PLEKHD1: variants seen among roughly 807,000 people sequenced by gnomAD.
The protein encoded by PLEKHD1 is pleckstrin homology domain-containing family D member 1.
A neutral mutation model predicts 69.2 loss-of-function variants in PLEKHD1; 51 were observed. The ratio of observed to expected loss-of-function variants is 0.74; its 90% CI spans 0.59 to 0.93. The LOEUF is 0.93. Among genes scored for constraint, PLEKHD1 ranks in the 40% least tolerant of loss-of-function variants. The pLI is 0.00. For missense variants in PLEKHD1, 584 were observed against 641.0 expected (o/e 0.91, Z 0.96); for synonymous variants, 236 against 244.7 (o/e 0.96, Z 0.33).
upstream of PLEKHD1, among the ~76,000 whole-genome samples, chr14:69,482,156 G>A (rs543880349): frequency 5.6e-4 from 86 of 152,300 alleles, 1 homozygote; most frequent in Non-Finnish European, 8.2e-4. Context: ...GTATGCAGAG[G>A]GAATAGGTAA....
chr14:69,486,793 G>A (rs1330578439), intron 1 of PLEKHD1, among the ~76,000 whole-genome samples: 1 of 152,092 alleles, frequency 6.6e-6, no homozygotes, highest in African/African-American at 2.4e-5. Flanking sequence ...TGGGAAACTG[G>A]TCTCTGCACC....
intron 6 of PLEKHD1, among the ~76,000 whole-genome samples, chr14:69,518,327 C>T (rs1418667031): frequency 6.6e-6 from 1 of 152,186 alleles, no homozygotes; most frequent in African/African-American, 2.4e-5. Flanking sequence ...AGGCATGAGC[C>T]ACCTCTCCCG....
upstream of PLEKHD1, among the ~76,000 whole-genome samples, chr14:69,479,848 C>T (rs1882511377): frequency 1.3e-5 from 2 of 152,198 alleles, no homozygotes; most frequent in South Asian, 4.1e-4. Flanking sequence ...ACATACGTTC[C>T]CAACCCCCCC....
At chr14:69,514,734 G>A (rs1594987582) in intron 6 of PLEKHD1, among the ~76,000 whole-genome samples, 1 of 152,024 alleles carries the variant, frequency 6.6e-6, no homozygotes, top group South Asian at 2.1e-4. Context: ...TTAGCCTTTT[G>A]GTGAGTTGCG....
At chr14:69,492,346 G>T (rs1048399078) in intron 1 of PLEKHD1, among the ~76,000 whole-genome samples, 1 of 152,106 alleles carries the variant, frequency 6.6e-6, no homozygotes. Flanking sequence ...GAGCTCCCTT[G>T]GCTGGACCCC....
intron 1 of PLEKHD1, among the ~76,000 whole-genome samples, chr14:69,488,765 A>G (rs542126734): frequency 8.7e-4 from 133 of 152,314 alleles, no homozygotes; most frequent in African/African-American, 3.2e-3. Context: ...AAATTACTTT[A>G]TTCTGAAGAT....
intron 6 of PLEKHD1, among the ~76,000 whole-genome samples, chr14:69,519,275 G>A (rs563431491): frequency 1.1e-4 from 16 of 152,216 alleles, no homozygotes; most frequent in African/African-American, 3.6e-4. Flanking sequence ...GCTTTTATCA[G>A]GGTTGTTCAG....
chr14:69,524,325 G>A lies in PLEKHD1; in HGVS notation c.744+3G>A. On this transcript the variant is annotated splice_donor_region_variant and intron_variant, in intron 8 of 12. Coordinates refer to ENST00000322564, the MANE Select transcript of PLEKHD1 (RefSeq NM_001161498.2). ...AGTCCTTGCAGCAGACACTGGAGGT[G>A]AGGGGCTGCTGGTGGGTTAGTTGAC... 6.4e-7 allele frequency: 1 copy of A among 1,551,010 alleles called. No individual in the cohort carries two copies. Among genetic ancestry groups the A allele is most frequent in the Non-Finnish European group, 8.7e-7 (1 of 1,146,476 alleles).
intron 6 of PLEKHD1, among the ~76,000 whole-genome samples, chr14:69,504,112 T>G (rs1883099104): frequency 1.3e-5 from 2 of 152,346 alleles, no homozygotes; most frequent in South Asian, 4.1e-4. Flanking sequence ...TTAGGGATGT[T>G]GTGATGATTT....
chr14:69,468,058 T>G, the PLEKHD1 span, among the ~76,000 whole-genome samples: 1 of 152,328 alleles, frequency 6.6e-6, no homozygotes, highest in African/African-American at 2.4e-5. Flanking sequence ...AAAGGCCACA[T>G]TCTTGAATGT....
chr14:69,521,044 A>C (rs1475224714), intron 6 of PLEKHD1, among the ~76,000 whole-genome samples: 1 of 152,214 alleles, frequency 6.6e-6, no homozygotes, highest in Non-Finnish European at 1.5e-5. Flanking sequence ...AGGCAGGAGG[A>C]TGGCTTGAGC....
intron 7 of PLEKHD1, among the ~76,000 whole-genome samples, chr14:69,522,651 G>C (rs981168849): frequency 6.6e-6 from 1 of 152,118 alleles, no homozygotes; most frequent in African/African-American, 2.4e-5. Context: ...AAAGCCCCCT[G>C]CCTTCATGAA....
upstream of PLEKHD1, among the ~76,000 whole-genome samples, chr14:69,481,641 G>A (rs923380275): frequency 2.6e-5 from 4 of 152,182 alleles, no homozygotes; most frequent in African/African-American, 4.8e-5. Context: ...TACTAGCTAT[G>A]TGACTTACGT....
At chr14:69,477,932 A>G in the PLEKHD1 span, among the ~76,000 whole-genome samples, 1 of 152,158 alleles carries the variant, frequency 6.6e-6, no homozygotes, top group Non-Finnish European at 1.5e-5. Flanking sequence ...TCACAGCTCC[A>G]CTAGGCAATG....
rs376567575 is a variant in PLEKHD1 at position 69,528,256 on chromosome 14, C to T, written c.1358C>T (p.Pro453Leu). 3.7e-5 allele frequency: 58 copies of T among 1,551,512 alleles called. No individual in the cohort carries two copies. Among genetic ancestry groups the T allele is most frequent in the African/African-American group, 3.7e-4 (27 of 73,028 alleles). Residue 453 changes from proline to leucine, a missense_variant, in exon 13 of 13, where the codon CCG becomes CTG. Physicochemically the swap from Pro to Leu is moderately conservative, Grantham distance 98 (BLOSUM62 -3). Coordinates refer to ENST00000322564, the MANE Select transcript of PLEKHD1 (RefSeq NM_001161498.2). ...TGGGCTCCTGTTTCCCCAGTGAAGC[C>T]GTCCCAGTCCTTCATGACCTCCCAG... The part of the protein sequence containing the change: ...RSSTSWNDMK[P>L]SQSFMTSQLD...
intron 12 of PLEKHD1, 146 bp from the exon 13 acceptor site, chr14:69,528,104 G>A: frequency 7.1e-7 from 1 of 1,406,520 alleles, no homozygotes; most frequent in African/African-American, 1.4e-5. Flanking sequence ...TTTCTCAAAG[G>A]ATATGGAAGC....
At chr14:69,481,289 C>T (rs1702645891), upstream of PLEKHD1, among the ~76,000 whole-genome samples, 1 of 152,174 alleles carries the variant, frequency 6.6e-6, no homozygotes, top group Admixed American at 6.5e-5. Context: ...CGCCACTGTA[C>T]TCCAGCCTGG....
At chr14:69,516,078 A>G (rs904703754) in intron 6 of PLEKHD1, among the ~76,000 whole-genome samples, 1 of 152,202 alleles carries the variant, frequency 6.6e-6, no homozygotes, top group Admixed American at 6.5e-5. Flanking sequence ...CCTGGGCTCA[A>G]GTGATCCACT....
chr14:69,487,976 C>T (rs1205766082), intron 1 of PLEKHD1, among the ~76,000 whole-genome samples: 1 of 152,134 alleles, frequency 6.6e-6, no homozygotes, highest in African/African-American at 2.4e-5. Flanking sequence ...GGCCGGAACC[C>T]CTAAGGAGGA....
Sources: gnomAD v4.1 joint callset for allele counts (sites outside exome capture counted in the v4.1 genomes callset) on GRCh38, gnomAD v4.1.1 for gene constraint, MANE v1.5 for transcripts, NCBI Gene and HGNC (gene_info 2026-07-23, HGNC 2026-07-21) for gene names.